WNK3: variants seen among roughly 807,000 people sequenced by gnomAD.
WNK3 encodes the protein WNK lysine deficient protein kinase 3.
A neutral mutation model predicts 116.7 loss-of-function variants in WNK3; 18 were observed. The ratio of observed to expected loss-of-function variants is 0.15; its 90% CI spans 0.11 to 0.23. WNK3 has a LOEUF of 0.23. Ranked by LOEUF, WNK3 falls within the 10% of genes least tolerant of loss-of-function variation. WNK3 has a pLI of 1.00. For synonymous variants in WNK3, 404 were observed against 469.4 expected, an observed-to-expected ratio of 0.86 and a Z score of 1.80; for missense variants, 993 against 1,323.8, an observed-to-expected ratio of 0.75 and a Z score of 3.88.
chrX:54,293,947 C>T (rs2068669025), intron 8 of WNK3, among the ~76,000 whole-genome samples: 1 of 111,780 alleles, frequency 8.9e-6, no homozygotes, highest in Non-Finnish European at 1.9e-5. Flanking sequence ...GAGGCTGAGG[C>T]GGGTAGATGG....
In WNK3 at chrX:54,333,055, T is replaced by C. The variant is rs533106607; in HGVS notation, c.537+82A>G. On this transcript the variant is annotated intron_variant, in intron 2 of 23. Coordinates refer to ENST00000354646, the Ensembl canonical transcript of WNK3. ...CCCTTTATTTTATTTTAATCCATGA[T>C]ACATGGATAATCATGAATCACACAG... is the stretch of plus-strand genomic sequence containing the variant. The C allele has an allele frequency of 3.5e-5, 24 of 690,078 alleles. No homozygotes were observed. The South Asian group carries it at 4.9e-4, about 14-fold the overall frequency. 56.9% of individuals were successfully genotyped at this position (690,078 alleles called of 1,213,427 possible).
chrX:54,222,919 T>TA (rs2067785544), intron 22 of WNK3, among the ~76,000 whole-genome samples: 3 of 88,542 alleles, frequency 3.4e-5, no homozygotes, highest in African/African-American at 1.0e-4. Flanking sequence ...AATAATAATA[T>TA]ATATATATAT....
chrX:54,316,678 GA>G (rs1392894809), intron 2 of WNK3, among the ~76,000 whole-genome samples: 4 of 110,179 alleles, frequency 3.6e-5, no homozygotes, highest in Non-Finnish European at 7.6e-5. Flanking sequence ...ACAACTTTGA[GA>G]AAAGATGCTC....
chrX:54,264,582 G>GC (rs1165051906), intron 10 of WNK3, among the ~76,000 whole-genome samples: 1 of 111,037 alleles, frequency 9.0e-6, no homozygotes, highest in African/African-American at 3.3e-5. Flanking sequence ...AAACATACCA[G>GC]CACTACAAAG....
At chrX:54,322,127 A>G (rs1393501986) in intron 2 of WNK3, among the ~76,000 whole-genome samples, 1 of 111,839 alleles carries the variant, frequency 8.9e-6, no homozygotes, top group African/African-American at 3.2e-5. Context: ...TCCAATCAGA[A>G]TGTGAGCATT....
At chrX:54,270,399 CTT>C (rs781794140) in intron 10 of WNK3, among the ~76,000 whole-genome samples, 6 of 92,732 alleles carry the variant, frequency 6.5e-5, no homozygotes, top group Admixed American at 1.2e-4. Context: ...CGCCCGGCCT[CTT>C]TTTTTTTTTT....
intron 1 of WNK3, among the ~76,000 whole-genome samples, chrX:54,335,936 G>A (rs1210436595): frequency 8.9e-6 from 1 of 112,178 alleles, no homozygotes; most frequent in Non-Finnish European, 1.9e-5. Flanking sequence ...TAGATGTATA[G>A]ATAAATGGAA....
chrX:54,263,680 T>C (rs138224118), intron 10 of WNK3, among the ~76,000 whole-genome samples: 81 of 111,478 alleles, frequency 7.3e-4, no homozygotes, highest in African/African-American at 2.5e-3. Flanking sequence ...AGAGCCAGAG[T>C]TGAAATCCAG....
At chrX:54,344,619 CTAATA>C (rs1225816605) in intron 1 of WNK3, among the ~76,000 whole-genome samples, 1 of 112,484 alleles carries the variant, frequency 8.9e-6, no homozygotes, top group Admixed American at 9.4e-5. Flanking sequence ...TTCTCATAAA[CTAATA>C]TAAGACCTGA....
exon 17 of WNK3, chrX:54,248,822 G>A: frequency 8.3e-7 from 1 of 1,211,476 alleles, no homozygotes; most frequent in South Asian, 1.8e-5. Context: ...TGGAAATTAG[G>A]GGATTGTACA....
intron 10 of WNK3, among the ~76,000 whole-genome samples, chrX:54,286,299 AG>A (rs1255683605): frequency 1.8e-5 from 2 of 110,815 alleles, no homozygotes; most frequent in African/African-American, 3.3e-5. Flanking sequence ...CCCTGTCTGA[AG>A]AAACTTCAGC....
chrX:54,317,388 G>C (rs1247322667), intron 2 of WNK3, among the ~76,000 whole-genome samples: 2 of 110,392 alleles, frequency 1.8e-5, no homozygotes, highest in African/African-American at 6.6e-5. Flanking sequence ...TCGAACTCTT[G>C]ACCTTGTGAT....
intron 1 of WNK3, among the ~76,000 whole-genome samples, chrX:54,336,311 C>A (rs1350603386): frequency 1.8e-5 from 2 of 110,079 alleles, no homozygotes; most frequent in Non-Finnish European, 3.8e-5. Context: ...CAGAGTGAGA[C>A]TCTGTCTCAC....
At chrX:54,258,968 T>C (rs2068227158) in intron 11 of WNK3, among the ~76,000 whole-genome samples, 1 of 110,506 alleles carries the variant, frequency 9.0e-6, no homozygotes, top group Non-Finnish European at 1.9e-5. Flanking sequence ...TTTATTTCTT[T>C]AGATTAGCTA....
chrX:54,352,106 C>T (rs1350567175), intron 1 of WNK3, among the ~76,000 whole-genome samples: 2 of 110,826 alleles, frequency 1.8e-5, no homozygotes, highest in Non-Finnish European at 3.8e-5. Context: ...AGACATCTCT[C>T]CAAAGAAGAA....
rs2068459283 is a variant in WNK3, at chrX:54,277,219, C to T, written c.2037+15669G>A. Among the ~76,000 whole-genome samples, 5 of 111,404 alleles carry T rather than the reference C, an allele frequency of 4.5e-5. No individual in the cohort carries two copies. The South Asian group carries it at 1.5e-3, about 34-fold the overall frequency. Reference sequence around the variant, plus strand: ...ACAGTACATTCTCACCACTCTTATTCCAGTACAGTACTGGAAATTCTAGCC... The same window carrying T: ...ACAGTACATTCTCACCACTCTTATTTCAGTACAGTACTGGAAATTCTAGCC... On this transcript the variant is annotated intron_variant, in intron 10 of 23. Transcript: ENST00000354646.
At chrX:54,278,050 C>A (rs140412356) in intron 10 of WNK3, among the ~76,000 whole-genome samples, 2 of 105,375 alleles carry the variant, frequency 1.9e-5, no homozygotes, top group African/African-American at 3.5e-5. Context: ...GCTGAGATCA[C>A]GCCACTGAAC....
intron 10 of WNK3, among the ~76,000 whole-genome samples, chrX:54,286,670 T>C (rs928375371): frequency 5.4e-5 from 6 of 110,716 alleles, no homozygotes; most frequent in African/African-American, 6.6e-5. Flanking sequence ...CTCAGCACTT[T>C]GGGAGGCTGA....
At chrX:54,202,339 G>A (rs1557141848) in intron 22 of WNK3, 146 bp from the exon 23 acceptor site, 5 of 511,323 alleles carry the variant, frequency 9.8e-6, no homozygotes, top group South Asian at 3.3e-5. Flanking sequence ...TACCTGCGTC[G>A]TCCTGGTTTA....
Sources: gnomAD v4.1 joint callset for allele counts (sites outside exome capture counted in the v4.1 genomes callset) on GRCh38, gnomAD v4.1.1 for gene constraint, MANE v1.5 for transcripts, NCBI Gene and HGNC (gene_info 2026-07-23, HGNC 2026-07-21) for gene names.